PAPPA2: variants seen among roughly 807,000 people sequenced by gnomAD.
The protein encoded by PAPPA2 is pappalysin 2.
PAPPA2 carries 86 observed loss-of-function variants against 176.4 expected under a neutral mutation model. That is an observed-to-expected ratio of 0.49 (90% CI 0.41 to 0.58). The LOEUF is 0.58. PAPPA2 is among the 20% of genes least tolerant of loss of function. PAPPA2 has a pLI of 0.00. For missense variants in PAPPA2, 2,073 were observed against 2,256.9 expected (o/e 0.92, Z 1.65); for synonymous variants, 809 against 852.2 (o/e 0.95, Z 0.88).
intron 12 of PAPPA2, among the ~76,000 whole-genome samples, chr1:176,735,495 T>G (rs544712476): frequency 6.6e-6 from 1 of 152,042 alleles, no homozygotes; most frequent in Non-Finnish European, 1.5e-5. Flanking sequence ...GCATATTGAG[T>G]GTGTCTGTGC....
At chr1:176,463,956 T>G (rs1206514811) in intron 1 of PAPPA2, among the ~76,000 whole-genome samples, 1 of 152,086 alleles carries the variant, frequency 6.6e-6, no homozygotes, top group Admixed American at 6.5e-5. Flanking sequence ...CTTAGGGTTA[T>G]GAGAGGAAAA....
intron 17 of PAPPA2, among the ~76,000 whole-genome samples, chr1:176,774,294 A>G (rs1341753524): frequency 6.6e-6 from 1 of 152,170 alleles, no homozygotes; most frequent in African/African-American, 2.4e-5. Context: ...CATACCTGCC[A>G]CTATAGTATC....
At chr1:176,580,428 G>T (rs903561589) in intron 2 of PAPPA2, among the ~76,000 whole-genome samples, 1 of 152,162 alleles carries the variant, frequency 6.6e-6, no homozygotes, top group African/African-American at 2.4e-5. Flanking sequence ...CACTGGGGTT[G>T]ATTCTATATA....
intron 1 of PAPPA2, among the ~76,000 whole-genome samples, chr1:176,485,815 T>C (rs1324168000): frequency 6.6e-6 from 1 of 152,286 alleles, no homozygotes; most frequent in South Asian, 2.1e-4. Flanking sequence ...AGGAAAGGCA[T>C]ACAGCTTTCA....
intron 3 of PAPPA2, among the ~76,000 whole-genome samples, chr1:176,609,109 T>A (rs1227162623): frequency 1.3e-5 from 2 of 151,950 alleles, no homozygotes; most frequent in Non-Finnish European, 2.9e-5. Context: ...TAGAAAAGGG[T>A]AGTAGGTTGT....
Position 176,793,773 on chromosome 1 carries a change from A to C in PAPPA2, c.5130+104A>C, listed in dbSNP as rs1159572873. On this transcript the variant is annotated intron_variant, in intron 20 of 22. Transcript: ENST00000367662. ...TTCAGAGGCTTTCAAAGCATCCTCA[A>C]AGCAAACAACCACATGGATTATTCC... 8.9e-6 allele frequency: 7 copies of C among 783,248 alleles called. No homozygotes were observed. The Admixed American group carries it at 1.6e-4, about 18-fold the overall frequency. 48.5% of individuals were successfully genotyped at this position (783,248 alleles called of 1,614,324 possible).
chr1:176,618,682 G>T (rs1287124569), intron 3 of PAPPA2, among the ~76,000 whole-genome samples: 1 of 152,194 alleles, frequency 6.6e-6, no homozygotes, highest in African/African-American at 2.4e-5. Context: ...AGTTTTAACT[G>T]TAAAAGAATT....
chr1:176,832,069 T>C (rs1667100816), intron 21 of PAPPA2, among the ~76,000 whole-genome samples: 1 of 152,168 alleles, frequency 6.6e-6, no homozygotes, highest in Non-Finnish European at 1.5e-5. Context: ...CCAGAGTCTC[T>C]AGGGAGACAA....
chr1:176,810,112 G>T (rs896195427), intron 21 of PAPPA2, among the ~76,000 whole-genome samples: 3 of 151,948 alleles, frequency 2.0e-5, no homozygotes, highest in African/African-American at 7.3e-5. Context: ...TGAAATATGT[G>T]GCTAAGACAC....
At chr1:176,720,910 C>T (rs1407323389) in intron 12 of PAPPA2, among the ~76,000 whole-genome samples, 3 of 152,128 alleles carry the variant, frequency 2.0e-5, no homozygotes, top group Non-Finnish European at 4.4e-5. Context: ...TTCTGATGCC[C>T]AAGGGGAAAG....
intron 20 of PAPPA2, among the ~76,000 whole-genome samples, chr1:176,797,517 C>T (rs1474092809): frequency 1.3e-5 from 2 of 151,984 alleles, no homozygotes; most frequent in Non-Finnish European, 2.9e-5. Context: ...TGATATGATA[C>T]ATGCCTGTAG....
Position 176,706,436 on chromosome 1 carries a change from G to A in PAPPA2, c.3443G>A (p.Gly1148Asp), listed in dbSNP as rs1439694192. 3.1e-6 allele frequency: 5 copies of A among 1,613,484 alleles called. No individual in the cohort carries two copies. The South Asian group carries it at 3.3e-5, about 11-fold the overall frequency. The change falls in exon 10 of 23, where the codon GGT becomes GAT. Residue 1148 changes from glycine to aspartate, a missense_variant. Gly to Asp is a moderately conservative substitution (Grantham distance 94, BLOSUM62 -1). Transcript: ENST00000367662. The stretch of plus-strand genomic sequence containing the variant: ...TCCAAGGTGTGTGAGCTGGAGGAAG[G>A]TTTCAACTGTGTAGGTAAGTTCAAG... ...GCSKVCELEE[G>D]FNCVGEPSLC...
intron 2 of PAPPA2, among the ~76,000 whole-genome samples, chr1:176,574,026 G>A (rs1652504221): frequency 6.6e-6 from 1 of 152,046 alleles, no homozygotes; most frequent in Non-Finnish European, 1.5e-5. Flanking sequence ...CATTGTTTGA[G>A]AGGATACCGT....
intron 1 of PAPPA2, among the ~76,000 whole-genome samples, chr1:176,495,811 T>C (rs900622483): frequency 6.6e-6 from 1 of 151,672 alleles, no homozygotes; most frequent in Non-Finnish European, 1.5e-5. Context: ...TTTTTTTTTT[T>C]CATTAGAGAT....
At chr1:176,601,724 A>G (rs1654333186) in intron 3 of PAPPA2, among the ~76,000 whole-genome samples, 1 of 152,226 alleles carries the variant, frequency 6.6e-6, no homozygotes, top group Non-Finnish European at 1.5e-5. Flanking sequence ...GTCATTGACT[A>G]TTCCCTGTGG....
chr1:176,599,725 TC>T (rs1195394615), intron 3 of PAPPA2, among the ~76,000 whole-genome samples: 4 of 151,808 alleles, frequency 2.6e-5, no homozygotes, highest in Non-Finnish European at 5.9e-5. Flanking sequence ...AGTCAACTTT[TC>T]TTTTTTTATT....
At chr1:176,709,835 T>C in intron 10 of PAPPA2, 148 bp from the exon 11 acceptor site, 1 of 628,976 alleles carries the variant, frequency 1.6e-6, no homozygotes, top group Admixed American at 3.0e-5. Context: ...TGTGTATCTG[T>C]GTGTTTGAGG....
At chr1:176,521,703 T>G (rs1247052487) in intron 1 of PAPPA2, among the ~76,000 whole-genome samples, 12 of 152,048 alleles carry the variant, frequency 7.9e-5, no homozygotes, top group Admixed American at 7.9e-4. Context: ...ATTACACCTG[T>G]GGTAAGAGGC....
chr1:176,739,967 C>T lies in PAPPA2; in HGVS notation c.3935-13C>T, dbSNP rs536160956. On this transcript the variant is annotated splice_polypyrimidine_tract_variant and intron_variant, in intron 13 of 22. Transcript: ENST00000367662. ...AATGGCTGAAAATATGATTCATCTC[C>T]GTTTATCTTCAGGAACCTATGGACT... 1.2e-6 allele frequency: 2 copies of T among 1,611,696 alleles called. No homozygotes were observed. Among genetic ancestry groups the T allele is most frequent in the East Asian group, 2.2e-5 (1 of 44,868 alleles).
Sources: allele counts gnomAD v4.1 joint callset (sites outside exome capture counted in the v4.1 genomes callset), GRCh38; gene constraint gnomAD v4.1.1; transcripts MANE v1.5; gene names NCBI Gene and HGNC (gene_info 2026-07-23, HGNC 2026-07-21).